The following SLC24A3 variants were observed in gnomAD, a reference collection of about 807,000 sequenced individuals.
The protein encoded by SLC24A3 is sodium/potassium/calcium exchanger 3.
SLC24A3 carries 28 observed loss-of-function variants against 75.8 expected under a neutral mutation model. The observed-to-expected ratio is 0.37, with a 90% CI of 0.27 to 0.51. The LOEUF (loss-of-function observed/expected upper bound fraction) is 0.51. SLC24A3 is among the 20% of genes least tolerant of loss of function. The pLI, the probability that SLC24A3 is intolerant of heterozygous loss-of-function variation, is 0.94. For missense variants in SLC24A3, 663 were observed against 847.8 expected (o/e 0.78, Z 2.71); for synonymous variants, 372 against 334.1 (o/e 1.11, Z -1.24).
chr20:19,618,094 C>A (rs2031759841), intron 6 of SLC24A3, among the ~76,000 whole-genome samples: 2 of 152,008 alleles, frequency 1.3e-5, no homozygotes, highest in Admixed American at 1.3e-4. Context: ...TCAGCCTGTC[C>A]TAAAACATGT....
chr20:19,392,767 A>G (rs919768253), intron 2 of SLC24A3, among the ~76,000 whole-genome samples: 2 of 152,234 alleles, frequency 1.3e-5, no homozygotes, highest in Non-Finnish European at 2.9e-5. Flanking sequence ...TCTGTCATGC[A>G]TCTTCATTTC....
intron 2 of SLC24A3, among the ~76,000 whole-genome samples, chr20:19,352,289 T>C (rs1450760595): frequency 3.9e-5 from 6 of 152,118 alleles, no homozygotes; most frequent in African/African-American, 7.2e-5. Context: ...GGGGGCCCTA[T>C]TGATGAAGGG....
intron 3 of SLC24A3, among the ~76,000 whole-genome samples, chr20:19,524,303 A>G (rs1233302159): frequency 1.3e-5 from 2 of 152,044 alleles, no homozygotes; most frequent in Non-Finnish European, 2.9e-5. Context: ...AAAACCCACA[A>G]AGACTTCAGG....
chr20:19,679,744 C>T lies in SLC24A3; in HGVS notation c.768-2114C>T, dbSNP rs77807890. Among the ~76,000 whole-genome samples, 742 of 152,258 alleles carry T rather than the reference C, an allele frequency of 4.9e-3. 4 individuals carry two copies. The highest frequency in any genetic ancestry group is 7.6e-3 in the Non-Finnish European group (514 of 68,010). ...AAATTTTCAGTGGCCTCACAAATGT[C>T]TTTTTCATTGTTTTCTTTTAGTTTC... On this transcript the variant is annotated intron_variant, in intron 9 of 16. Transcript: ENST00000328041.
intron 3 of SLC24A3, among the ~76,000 whole-genome samples, chr20:19,574,530 G>T (rs2031101508): frequency 6.6e-6 from 1 of 152,156 alleles, no homozygotes; most frequent in Non-Finnish European, 1.5e-5. Flanking sequence ...CACATCTAGG[G>T]GTTAGCTGCT....
chr20:19,350,942 A>G (rs578252492), intron 2 of SLC24A3, among the ~76,000 whole-genome samples: 2 of 152,236 alleles, frequency 1.3e-5, no homozygotes, highest in South Asian at 4.1e-4. Context: ...CTCAATATGG[A>G]CAGATAGGAT....
intron 6 of SLC24A3, among the ~76,000 whole-genome samples, chr20:19,602,425 G>T (rs919347505): frequency 2.0e-5 from 3 of 151,990 alleles, no homozygotes; most frequent in African/African-American, 7.3e-5. Flanking sequence ...CAGTGTCCTT[G>T]CTATAAAGAT....
rs763055587 is a variant in SLC24A3, at chr20:19,685,288, CAAT to C, written c.1252_1254del (p.Asn418del). 2 of 1,613,970 alleles carry C rather than the reference CAAT, an allele frequency of 1.2e-6. No individual in the cohort carries two copies. Among genetic ancestry groups the C allele is most frequent in the South Asian group, 2.2e-5 (2 of 91,058 alleles). Reference sequence around the variant, plus strand: ...ACGAAACAGAGAATGAAAATGAGGACAATGAGAATGATGAGGAGGAAGAGGAGG... The same window carrying C: ...ACGAAACAGAGAATGAAAATGAGGACGAGAATGATGAGGAGGAAGAGGAGG... On this transcript the variant is annotated inframe_deletion, in exon 12 of 17. Coordinates refer to ENST00000328041, the MANE Select transcript of SLC24A3 (RefSeq NM_020689.4).
chr20:19,409,801 G>C (rs1257270487), intron 2 of SLC24A3, among the ~76,000 whole-genome samples: 1 of 151,446 alleles, frequency 6.6e-6, no homozygotes, highest in Non-Finnish European at 1.5e-5. Flanking sequence ...TTATATAACT[G>C]TGCTATTATG....
chr20:19,423,275 C>T (rs1436563819), intron 2 of SLC24A3, among the ~76,000 whole-genome samples: 1 of 152,178 alleles, frequency 6.6e-6, no homozygotes, highest in Non-Finnish European at 1.5e-5. Flanking sequence ...TCAGAAGGGG[C>T]CATCTCCCTT....
intron 3 of SLC24A3, among the ~76,000 whole-genome samples, chr20:19,535,394 A>G (rs2030377529): frequency 1.3e-5 from 2 of 152,194 alleles, no homozygotes; most frequent in South Asian, 4.1e-4. Flanking sequence ...AGCTTGGGCA[A>G]TGAGAGTAAC....
At chr20:19,275,691 C>G (rs1250335160) in intron 1 of SLC24A3, among the ~76,000 whole-genome samples, 1 of 152,142 alleles carries the variant, frequency 6.6e-6, no homozygotes, top group African/African-American at 2.4e-5. Flanking sequence ...GGTGAGCACA[C>G]AGCTCTGTAA....
At chr20:19,288,667 T>C (rs1983868978) in intron 2 of SLC24A3, among the ~76,000 whole-genome samples, 1 of 152,214 alleles carries the variant, frequency 6.6e-6, no homozygotes, top group South Asian at 2.1e-4. Context: ...GATAGATTAG[T>C]TAGTCTGAGA....
At chr20:19,219,844 C>A (rs1981659196) in intron 1 of SLC24A3, among the ~76,000 whole-genome samples, 1 of 152,186 alleles carries the variant, frequency 6.6e-6, no homozygotes, top group Non-Finnish European at 1.5e-5. Flanking sequence ...TGTACAGATT[C>A]TGGAGACACA....
At chr20:19,709,327 T>C (rs1191464522) in intron 15 of SLC24A3, among the ~76,000 whole-genome samples, 1 of 152,012 alleles carries the variant, frequency 6.6e-6, no homozygotes, top group Non-Finnish European at 1.5e-5. Context: ...CCCACCAAAA[T>C]AGCACCTCAG....
intron 3 of SLC24A3, among the ~76,000 whole-genome samples, chr20:19,528,421 C>T (rs777284855): frequency 6.6e-6 from 1 of 152,118 alleles, no homozygotes; most frequent in Non-Finnish European, 1.5e-5. Flanking sequence ...TCCTAAGATG[C>T]TTCACCATTT....
chr20:19,710,394 G>A (rs1421655840), intron 15 of SLC24A3, among the ~76,000 whole-genome samples: 1 of 152,196 alleles, frequency 6.6e-6, no homozygotes, highest in Non-Finnish European at 1.5e-5. Context: ...AAATATACAT[G>A]CACTGTGGGC....
At chr20:19,277,526 T>C (rs1455398528) in intron 1 of SLC24A3, among the ~76,000 whole-genome samples, 1 of 152,186 alleles carries the variant, frequency 6.6e-6, no homozygotes, top group Non-Finnish European at 1.5e-5. Context: ...TATAATATTG[T>C]CAAACTTGGT....
At chr20:19,333,582 G>A (rs549749516) in intron 2 of SLC24A3, among the ~76,000 whole-genome samples, 2 of 152,030 alleles carry the variant, frequency 1.3e-5, no homozygotes, top group East Asian at 1.9e-4. Context: ...TTTGTATTTC[G>A]TTGAGCAAAC....
Sources: gnomAD v4.1 joint callset for allele counts (sites outside exome capture counted in the v4.1 genomes callset) on GRCh38, gnomAD v4.1.1 for gene constraint, MANE v1.5 for transcripts, NCBI Gene and HGNC (gene_info 2026-07-23, HGNC 2026-07-21) for gene names.